The following COX7B2 variants were observed in gnomAD, a reference collection of about 807,000 sequenced individuals.
COX7B2 encodes the protein cytochrome c oxidase subunit 7B2, mitochondrial.
For synonymous variants in COX7B2, 37 were observed against 32.1 expected (o/e 1.15, Z -0.51); for missense variants, 109 against 95.9 (o/e 1.14, Z -0.57).
intron 1 of COX7B2, among the ~76,000 whole-genome samples, chr4:46,906,786 T>C (rs1226459947): frequency 6.6e-6 from 1 of 152,208 alleles, no homozygotes; most frequent in Non-Finnish European, 1.5e-5. Context: ...TGCAGGAACT[T>C]TTCTCTCATT....
chr4:46,796,364 G>A (rs1317480093), intron 2 of COX7B2, among the ~76,000 whole-genome samples: 8 of 148,542 alleles, frequency 5.4e-5, no homozygotes, highest in Non-Finnish European at 8.8e-5. Context: ...CTGGCCATCA[G>A]AGAAATGCAA....
intron 2 of COX7B2, among the ~76,000 whole-genome samples, chr4:46,772,422 G>T (rs930169102): frequency 2.0e-5 from 3 of 152,114 alleles, no homozygotes; most frequent in African/African-American, 7.2e-5. Context: ...AATTTGCTGA[G>T]AGTAGATCTT....
chr4:46,840,325 C>T (rs571191341), intron 2 of COX7B2, among the ~76,000 whole-genome samples: 1 of 151,994 alleles, frequency 6.6e-6, no homozygotes, highest in South Asian at 2.1e-4. Flanking sequence ...TTCATACCAA[C>T]AAGGAGAATT....
chr4:46,759,671 T>C (rs1716013088), intron 2 of COX7B2, among the ~76,000 whole-genome samples: 1 of 151,832 alleles, frequency 6.6e-6, no homozygotes, highest in Non-Finnish European at 1.5e-5. Context: ...AGTTAGAATG[T>C]TGATCATTAA....
intron 2 of COX7B2, among the ~76,000 whole-genome samples, chr4:46,813,512 A>G (rs556916532): frequency 6.6e-6 from 1 of 152,198 alleles, no homozygotes; most frequent in South Asian, 2.1e-4. Flanking sequence ...CGATGAAAAC[A>G]CATGGACACA....
chr4:46,836,048 T>C (rs1715494450), intron 2 of COX7B2, among the ~76,000 whole-genome samples: 1 of 152,192 alleles, frequency 6.6e-6, no homozygotes, highest in African/African-American at 2.4e-5. Context: ...GAATGGAGCT[T>C]GCAAGACTGG....
chr4:46,754,716 G>GTATATATATATATATA (rs1327856395), intron 2 of COX7B2, among the ~76,000 whole-genome samples: 4 of 21,852 alleles, frequency 1.8e-4, no homozygotes, highest in African/African-American at 9.4e-4. Flanking sequence ...GTGTGTGTGT[G>GTATATATATATATATA]TGTGTGTGTG....
chr4:46,771,142 A>G (rs1354919347), intron 2 of COX7B2, among the ~76,000 whole-genome samples: 2 of 152,226 alleles, frequency 1.3e-5, no homozygotes, highest in Non-Finnish European at 2.9e-5. Context: ...CAATTTAAAA[A>G]CAAGAAAAGG....
At chr4:46,842,612 T>C (rs1257783744) in intron 2 of COX7B2, among the ~76,000 whole-genome samples, 1 of 151,808 alleles carries the variant, frequency 6.6e-6, no homozygotes, top group Non-Finnish European at 1.5e-5. Flanking sequence ...CCATGTGTTC[T>C]CATTATTCAA....
chr4:46,874,716 A>G (rs1260137936), intron 1 of COX7B2, among the ~76,000 whole-genome samples: 1 of 152,088 alleles, frequency 6.6e-6, no homozygotes, highest in Non-Finnish European at 1.5e-5. Context: ...ACTACTTTAA[A>G]ATGTCAGGAA....
rs1577712916 is a variant in COX7B2, at chr4:46,897,988, T to C, written c.-105+11172A>G. On this transcript the variant is annotated intron_variant, in intron 1 of 2. Transcript: ENST00000355591. ...ACCTCTCCATTTCTCCTTCTAACTC[T>C]CTATGGGCTGCCTCTAAGCCTAATT... is the stretch of plus-strand genomic sequence containing the variant. Among the ~76,000 whole-genome samples the C allele has an allele frequency of 2.0e-5, 3 of 152,268 alleles. No homozygotes were observed. In the Middle Eastern group the frequency reaches 0.01, roughly 518 times the overall value.
chr4:46,786,091 T>TA (rs140365733), intron 2 of COX7B2, among the ~76,000 whole-genome samples: 29 of 149,818 alleles, frequency 1.9e-4, no homozygotes, highest in Non-Finnish European at 3.1e-4. Flanking sequence ...ATTCTTTGAT[T>TA]AAAAAAAAAA....
intron 1 of COX7B2, among the ~76,000 whole-genome samples, chr4:46,868,131 T>C (rs773968971): frequency 2.0e-4 from 31 of 152,274 alleles, no homozygotes; most frequent in African/African-American, 7.2e-4. Flanking sequence ...CTATAATTTA[T>C]CCACATATTC....
chr4:46,851,590 A>C lies in COX7B2; in HGVS notation c.-104-6576T>G, dbSNP rs578013522. Among the ~76,000 whole-genome samples the C allele has an allele frequency of 2.0e-5, 3 of 152,172 alleles. No homozygotes were observed. In the South Asian group the frequency reaches 6.2e-4, roughly 32 times the overall value. On this transcript the variant is annotated intron_variant, in intron 1 of 2. Transcript: ENST00000355591. ...TTGATAGTCACCCATTTTTCCACTAATGGCCCTTTTCTGTTCCAAAAGATC... is the reference window on the plus strand; with the variant it reads ...TTGATAGTCACCCATTTTTCCACTACTGGCCCTTTTCTGTTCCAAAAGATC...
chr4:46,844,273 A>G (rs1160181621), intron 2 of COX7B2, among the ~76,000 whole-genome samples: 1 of 152,014 alleles, frequency 6.6e-6, no homozygotes, highest in Non-Finnish European at 1.5e-5. Flanking sequence ...ATTGGCCATT[A>G]GCTTGACTGA....
At chr4:46,744,115 T>G (rs1483363643) in intron 2 of COX7B2, among the ~76,000 whole-genome samples, 1 of 152,146 alleles carries the variant, frequency 6.6e-6, no homozygotes, top group Non-Finnish European at 1.5e-5. Flanking sequence ...ATAGTTTTTT[T>G]TTTGTATAAA....
chr4:46,758,601 G>A (rs1004611465), intron 2 of COX7B2, among the ~76,000 whole-genome samples: 2 of 152,180 alleles, frequency 1.3e-5, no homozygotes, highest in African/African-American at 4.8e-5. Context: ...ATGAATAGCT[G>A]TGAATAAGTC....
intron 2 of COX7B2, among the ~76,000 whole-genome samples, chr4:46,756,339 C>A (rs1715798565): frequency 1.3e-5 from 2 of 151,770 alleles, no homozygotes; most frequent in African/African-American, 4.8e-5. Flanking sequence ...AAACATAAGA[C>A]CTAAAAGTAT....
chr4:46,763,414 AGT>A (rs917826826), intron 2 of COX7B2, among the ~76,000 whole-genome samples: 9 of 151,320 alleles, frequency 5.9e-5, no homozygotes, highest in Non-Finnish European at 1.3e-4. Flanking sequence ...TGTTCCTACC[AGT>A]GGTGATCCAG....
Sources: allele counts gnomAD v4.1 joint callset (sites outside exome capture counted in the v4.1 genomes callset), GRCh38; gene constraint gnomAD v4.1.1; transcripts MANE v1.5; gene names NCBI Gene and HGNC (gene_info 2026-07-23, HGNC 2026-07-21).